The following STRA8 variants were observed in gnomAD, a reference collection of about 807,000 sequenced individuals.
STRA8 encodes stimulated by retinoic acid 8.
A neutral mutation model predicts 37.1 loss-of-function variants in STRA8; 18 were observed. The observed-to-expected ratio is 0.48, with a 90% CI of 0.34 to 0.72. The LOEUF is 0.72. Among genes scored for constraint, STRA8 ranks in the 30% least tolerant of loss-of-function variants. The pLI is 0.01. For missense variants in STRA8, 357 were observed against 410.4 expected, an observed-to-expected ratio of 0.87 and a Z score of 1.13; for synonymous variants, 168 against 162.9, an observed-to-expected ratio of 1.03 and a Z score of -0.24.
intron 1 of STRA8, among the ~76,000 whole-genome samples, chr7:135,238,243 C>A (rs534291819): frequency 6.6e-6 from 1 of 152,236 alleles, no homozygotes; most frequent in African/African-American, 2.4e-5. Flanking sequence ...GACCAGGGGG[C>A]GCCTGGGGGC....
At chr7:135,239,391 C>T (rs1345891990) in intron 1 of STRA8, among the ~76,000 whole-genome samples, 2 of 152,172 alleles carry the variant, frequency 1.3e-5, no homozygotes, top group Non-Finnish European at 2.9e-5. Flanking sequence ...ACTAACATAC[C>T]TCAAAATTAA....
chr7:135,244,204 G>A (rs537212753), intron 4 of STRA8, among the ~76,000 whole-genome samples: 549 of 152,258 alleles, frequency 3.6e-3, no homozygotes, highest in African/African-American at 0.012. Flanking sequence ...GATTACAGGC[G>A]CCTGCCACCA....
intron 6 of STRA8, among the ~76,000 whole-genome samples, chr7:135,248,545 TA>T (rs1210000894): frequency 6.6e-6 from 1 of 151,906 alleles, no homozygotes; most frequent in Non-Finnish European, 1.5e-5. Context: ...GCGTCTCTAC[TA>T]AAAACTAAAA....
chr7:135,256,255 A>G (rs557235679), intron 8 of STRA8, among the ~76,000 whole-genome samples: 1 of 152,336 alleles, frequency 6.6e-6, no homozygotes, highest in East Asian at 1.9e-4. Context: ...CCCTTTTCCA[A>G]CTAAGTCTTC....
At chr7:135,256,537 G>T (rs1356731870) in intron 8 of STRA8, among the ~76,000 whole-genome samples, 1 of 152,238 alleles carries the variant, frequency 6.6e-6, no homozygotes, top group Non-Finnish European at 1.5e-5. Context: ...GGGTGCAGTG[G>T]CTCACACCTG....
At position 135,245,459 on chromosome 7, in the gene STRA8, G is replaced by A. The variant is rs189150814; in HGVS notation, c.525G>A (p.Glu175=). ...AGGAGGAAGAGGAAGAGGAGGAGGA[G>A]GAAGAGGAGAAAAAAGTGATCTTAT... The part of the protein sequence containing the change: ...EEEEEEEEEE[E]EEEKKVILYS... Residue 175 remains glutamate (E), a synonymous_variant, in exon 5 of 9, where the codon GAG becomes GAA. Transcript: ENST00000662584. 5.7e-4 allele frequency: 411 copies of A among 716,406 alleles called. 1 individual carries two copies. Among genetic ancestry groups the A allele is most frequent in the Middle Eastern group, 1.4e-3 (6 of 4,218 alleles). The allele number at this position is 716,406 out of a possible 1,614,324, so 44.4% of individuals were successfully genotyped here. A position where few individuals can be genotyped will look rare whatever the true frequency, so the allele number is the denominator to read the frequency against.
intron 8 of STRA8, among the ~76,000 whole-genome samples, chr7:135,257,103 G>C (rs1437969425): frequency 6.6e-6 from 1 of 152,206 alleles, no homozygotes; most frequent in Non-Finnish European, 1.5e-5. Context: ...CCTATCAGGA[G>C]AGCATGGTGA....
chr7:135,239,561 G>A (rs919448121), intron 1 of STRA8, among the ~76,000 whole-genome samples: 2 of 152,194 alleles, frequency 1.3e-5, no homozygotes, highest in Non-Finnish European at 2.9e-5. Context: ...CAGAAGTGAC[G>A]AAGTCGCAGC....
intron 2 of STRA8, among the ~76,000 whole-genome samples, chr7:135,242,428 G>A (rs2117796824): frequency 6.6e-6 from 1 of 152,332 alleles, no homozygotes; most frequent in South Asian, 2.1e-4. Flanking sequence ...CTTTGTGCAA[G>A]CCTGGGGTTG....
At chr7:135,232,626 GA>G (rs371550258), upstream of STRA8, among the ~76,000 whole-genome samples, 51 of 147,760 alleles carry the variant, frequency 3.5e-4, 1 homozygote, top group African/African-American at 9.9e-4. Context: ...CCTGTCTCAG[GA>G]AAAAAAAAAT....
intron 4 of STRA8, among the ~76,000 whole-genome samples, 183 bp downstream of exon 4, chr7:135,243,593 A>AT (rs1329230500): frequency 2.6e-5 from 4 of 152,146 alleles, no homozygotes; most frequent in Non-Finnish European, 4.4e-5. Flanking sequence ...ACATGCATCA[A>AT]TTTTTTCCCA....
At position 135,246,581 on chromosome 7, in the gene STRA8, A is replaced by C; in HGVS notation, c.758A>C (p.His253Pro). The C allele has an allele frequency of 1.9e-6, 3 of 1,544,986 alleles. No individual in the cohort carries two copies. Among genetic ancestry groups the C allele is most frequent in the Non-Finnish European group, 2.6e-6 (3 of 1,147,260 alleles). Residue 253 changes from histidine (H) to proline (P), a missense_variant, in exon 6 of 9, where the codon CAC becomes CCC. Coordinates refer to ENST00000662584, the MANE Select transcript of STRA8 (RefSeq NM_001394401.1). This position sits in a 1 kb window ranked among gnomAD's most constrained non-coding sequence, Gnocchi z 5.4. ...ASLRQAWAQK[H>P]RGPATLAEAC... ...CTCCGGCAGGCCTGGGCGCAGAAGC[A>C]CCGCGGCCCTGCGACCCTGGCGGAG...
At chr7:135,236,678 A>G (rs1446751577) in intron 1 of STRA8, among the ~76,000 whole-genome samples, 1 of 152,162 alleles carries the variant, frequency 6.6e-6, no homozygotes, top group Non-Finnish European at 1.5e-5. Context: ...AGGCTTCTCA[A>G]TGAGATACAG....
intron 1 of STRA8, among the ~76,000 whole-genome samples, chr7:135,236,278 ATG>A (rs57585247): frequency 7.9e-4 from 109 of 137,634 alleles, no homozygotes; most frequent in Admixed American, 1.1e-3. Context: ...GTGTGTGTGT[ATG>A]TGTGTGTGTG....
chr7:135,258,304 A>G, intron 8 of STRA8, 114 bp from the exon 9 acceptor site: 1 of 778,604 alleles, frequency 1.3e-6, no homozygotes, highest in Non-Finnish European at 2.0e-6. Flanking sequence ...AGCGGAAGAG[A>G]CGTAGGATAG....
rs1229205307 is a variant in STRA8, at chr7:135,240,655, C to T, written c.131C>T (p.Ala44Val). 2 of 1,614,022 alleles carry T rather than the reference C, an allele frequency of 1.2e-6. No individual in the cohort carries two copies. Among genetic ancestry groups the T allele is most frequent in the Admixed American group, 3.3e-5 (2 of 60,002 alleles). ...LSQARHRATL[A>V]ALFNNLRKTV... ...CAGGCCCGCCACCGAGCCACCCTGGCAGCGCTCTTCAACAACCTCAGGAAG... is the reference window on the plus strand; with the variant it reads ...CAGGCCCGCCACCGAGCCACCCTGGTAGCGCTCTTCAACAACCTCAGGAAG... The change falls in exon 2 of 9, where the codon GCA becomes GTA. Residue 44 changes from alanine (A) to valine (V), a missense_variant. By Grantham distance (64) the Ala-to-Val change is moderately conservative. Transcript: ENST00000662584.
intron 1 of STRA8, among the ~76,000 whole-genome samples, 191 bp downstream of exon 1, chr7:135,234,094 G>GATTATTATT (rs1397050965): frequency 3.7e-4 from 55 of 147,782 alleles, no homozygotes; most frequent in African/African-American, 1.3e-3. Flanking sequence ...TGATGATGAT[G>GATTATTATT]ATGATGATGA....
Position 135,257,628 on chromosome 7 carries a change from T to C in STRA8, c.1066-790T>C, listed in dbSNP as rs186480596. Among the ~76,000 whole-genome samples the C allele has an allele frequency of 6.7e-4, 102 of 152,250 alleles. 1 individual carries two copies. In the East Asian group the frequency reaches 0.019, roughly 28 times the overall value. On this transcript the variant is annotated intron_variant, in intron 8 of 8. Coordinates refer to ENST00000662584, the MANE Select transcript of STRA8 (RefSeq NM_001394401.1). Reference sequence around the variant, plus strand: ...TTTTAGTAGAGACAGCATTTCGCCATGTTGGCCAGGCTGGTCTCGAACTCC... The same window carrying C: ...TTTTAGTAGAGACAGCATTTCGCCACGTTGGCCAGGCTGGTCTCGAACTCC...
intron 1 of STRA8, among the ~76,000 whole-genome samples, chr7:135,239,155 T>C (rs1832422617): frequency 6.6e-6 from 1 of 152,230 alleles, no homozygotes; most frequent in South Asian, 2.1e-4. Context: ...TACTATAGCA[T>C]AGTGGGAAAG....
Sources: allele counts gnomAD v4.1 joint callset (sites outside exome capture counted in the v4.1 genomes callset), GRCh38; gene constraint gnomAD v4.1.1; non-coding constraint Gnocchi (gnomAD v3.1); transcripts MANE v1.5; gene names NCBI Gene and HGNC (gene_info 2026-07-23, HGNC 2026-07-21).